The following PKHD1 variants were observed in gnomAD, a reference collection of about 807,000 sequenced individuals.
PKHD1 encodes the protein PKHD1 ciliary IPT domain containing fibrocystin/polyductin.
In PKHD1, 291 loss-of-function variants were observed where a neutral mutation model predicts 412.0. The ratio of observed to expected loss-of-function variants is 0.71; its 90% CI spans 0.64 to 0.78. The LOEUF is 0.78. PKHD1 is among the 30% of genes least tolerant of loss of function. PKHD1 has a pLI of 0.00. For missense variants in PKHD1, 4,825 were observed against 4,950.7 expected, an observed-to-expected ratio of 0.97 and a Z score of 0.76; for synonymous variants, 1,777 against 1,821.5, an observed-to-expected ratio of 0.98 and a Z score of 0.62.
At chr6:52,033,345 C>A (rs1180597908) in intron 28 of PKHD1, among the ~76,000 whole-genome samples, 180 bp from the exon 29 acceptor site, 1 of 152,178 alleles carries the variant, frequency 6.6e-6, no homozygotes, top group African/African-American at 2.4e-5. Context: ...CTCTCCCCAT[C>A]CTGCCCCCAC....
At chr6:51,971,049 T>A (rs1793600807) in intron 35 of PKHD1, among the ~76,000 whole-genome samples, 1 of 152,198 alleles carries the variant, frequency 6.6e-6, no homozygotes, top group East Asian at 1.9e-4. Context: ...TCCGTGAGCA[T>A]GAGATGTTTT....
At chr6:51,935,058 G>A (rs987498051) in intron 36 of PKHD1, among the ~76,000 whole-genome samples, 4 of 152,176 alleles carry the variant, frequency 2.6e-5, no homozygotes, top group East Asian at 1.9e-4. Context: ...CCCACCACCC[G>A]CCACTTGCAT....
intron 49 of PKHD1, among the ~76,000 whole-genome samples, chr6:51,849,715 C>A (rs1771853486): frequency 6.6e-6 from 1 of 152,026 alleles, no homozygotes; most frequent in African/African-American, 2.4e-5. Context: ...CTGTTCATAT[C>A]CTTTGCCCAC....
intron 36 of PKHD1, among the ~76,000 whole-genome samples, chr6:51,950,091 G>A (rs974934393): frequency 2.6e-5 from 4 of 151,174 alleles, no homozygotes; most frequent in Admixed American, 1.3e-4. Flanking sequence ...ATATGAACTA[G>A]AAAGTGTTTG....
chr6:51,735,533 T>C (rs1049942480), intron 60 of PKHD1, among the ~76,000 whole-genome samples: 2 of 152,174 alleles, frequency 1.3e-5, no homozygotes, highest in South Asian at 4.1e-4. Context: ...TTGTATGCGA[T>C]GAAAGCTGAC....
intron 59 of PKHD1, among the ~76,000 whole-genome samples, chr6:51,745,375 AAG>A (rs1785060943): frequency 6.6e-6 from 1 of 152,146 alleles, no homozygotes; most frequent in Non-Finnish European, 1.5e-5. Context: ...CTTGAGGATG[AAG>A]AGAGTACTCT....
At chr6:51,992,146 T>G (rs1410519913) in intron 35 of PKHD1, among the ~76,000 whole-genome samples, 1 of 152,226 alleles carries the variant, frequency 6.6e-6, no homozygotes, top group Non-Finnish European at 1.5e-5. Context: ...AGTTTCATTC[T>G]GAGGATTAAA....
chr6:51,721,241 T>A lies in PKHD1; in HGVS notation c.10156+23144A>T, dbSNP rs533800230. 1.4e-3 allele frequency: 1,347 copies of A among 949,016 alleles called. 4 individuals are homozygous for A. The highest frequency in any genetic ancestry group is 0.013 in the Middle Eastern group (23 of 1,838). 58.8% of individuals were successfully genotyped at this position (949,016 alleles called of 1,614,324 possible). A position where few individuals can be genotyped will look rare whatever the true frequency, so the allele number is the denominator to read the frequency against. ...ATTGCAACCTCCAGCATAAATGGGT[T>A]ATCTTTACCACACCAATATTCTTGG... On this transcript the variant is annotated intron_variant, in intron 60 of 66. Coordinates refer to ENST00000371117, the MANE Select transcript of PKHD1 (RefSeq NM_138694.4).
intron 36 of PKHD1, among the ~76,000 whole-genome samples, chr6:51,947,711 C>T (rs1366764819): frequency 6.6e-6 from 1 of 152,120 alleles, no homozygotes; most frequent in Non-Finnish European, 1.5e-5. Flanking sequence ...TTATCAGTCT[C>T]TGTAGACCAT....
At chr6:51,664,310 G>A (rs1271497350) in intron 60 of PKHD1, among the ~76,000 whole-genome samples, 1 of 152,148 alleles carries the variant, frequency 6.6e-6, no homozygotes, top group African/African-American at 2.4e-5. Context: ...TAGAAGGCAG[G>A]CACTTGAGAG....
intron 37 of PKHD1, among the ~76,000 whole-genome samples, chr6:51,926,078 T>C (rs1307948176): frequency 6.6e-6 from 1 of 151,498 alleles, no homozygotes; most frequent in Non-Finnish European, 1.5e-5. Flanking sequence ...CCTTACATAA[T>C]ACATTAAATA....
chr6:51,909,474 C>T lies in PKHD1; in HGVS notation c.6491G>A (p.Gly2164Asp), dbSNP rs929708501. The change falls in exon 40 of 67, where the codon GGT becomes GAT. Residue 2164 changes from glycine (G) to aspartate (D), a missense_variant and splice_region_variant. Physicochemically the swap from Gly to Asp is moderately conservative, Grantham distance 94 (BLOSUM62 -1). Transcript: ENST00000371117. ...VSCQEANAPE[G>D]NLQHCLYSMS... ...GGAATACAAACAGTGCTGCAGATTA[C>T]CTGAAATGCAAAATAAAGTCCAGAG... The T allele has an allele frequency of 6.2e-7, 1 of 1,611,908 alleles. No individual in the cohort carries two copies. The highest frequency in any genetic ancestry group is 1.1e-5 in the South Asian group (1 of 91,048).
intron 33 of PKHD1, among the ~76,000 whole-genome samples, chr6:52,020,263 G>A (rs1431467976): frequency 2.0e-5 from 3 of 152,156 alleles, no homozygotes; most frequent in South Asian, 2.1e-4. Context: ...AAATGCGTGC[G>A]TGCACACACA....
chr6:51,768,169 T>A (rs141892567), intron 55 of PKHD1, among the ~76,000 whole-genome samples: 154 of 152,252 alleles, frequency 1.0e-3, no homozygotes, highest in East Asian at 1.7e-3. Context: ...GGGTTGTTTT[T>A]TTTTTCTTGA....
At chr6:51,661,770 G>A (rs935730409) in intron 60 of PKHD1, among the ~76,000 whole-genome samples, 14 of 151,790 alleles carry the variant, frequency 9.2e-5, no homozygotes, top group Non-Finnish European at 1.5e-4. Flanking sequence ...TTATATTCAC[G>A]AAATCATTCT....
intron 48 of PKHD1, among the ~76,000 whole-genome samples, chr6:51,856,629 A>C (rs1341780883): frequency 6.6e-6 from 1 of 152,228 alleles, no homozygotes; most frequent in African/African-American, 2.4e-5. Context: ...GACTCTCAGA[A>C]GTCCTGCTCA....
intron 36 of PKHD1, among the ~76,000 whole-genome samples, chr6:51,935,939 C>T (rs1446323574): frequency 1.3e-5 from 2 of 152,142 alleles, no homozygotes; most frequent in Admixed American, 1.3e-4. Flanking sequence ...CAAGGCCTTC[C>T]CTCTCCAGTC....
At chr6:51,774,272 A>T (rs1450764351) in intron 54 of PKHD1, among the ~76,000 whole-genome samples, 1 of 152,060 alleles carries the variant, frequency 6.6e-6, no homozygotes, top group African/African-American at 2.4e-5. Context: ...TCATCTACTT[A>T]TGATACTACA....
Position 52,025,736 on chromosome 6 carries a change from A to G in PKHD1, c.4074T>C (p.Ser1358=). ...SLSGCSIPLH[S]LEAGIYPLQV... The stretch of plus-strand genomic sequence containing the variant: ...GGAGAGGATAGATGCCAGCCTCCAG[A>G]CTGTGAAGAGGGATGGAGCATCCAG... The change falls in exon 32 of 67, where the codon AGT becomes AGC. Residue 1358 remains serine (S), a synonymous_variant. Transcript: ENST00000371117. The G allele has an allele frequency of 6.2e-7, 1 of 1,614,198 alleles. No individual in the cohort carries two copies. Among genetic ancestry groups the G allele is most frequent in the African/African-American group, 1.3e-5 (1 of 75,068 alleles).
Sources: allele counts gnomAD v4.1 joint callset (sites outside exome capture counted in the v4.1 genomes callset), GRCh38; gene constraint gnomAD v4.1.1; transcripts MANE v1.5; gene names NCBI Gene and HGNC (gene_info 2026-07-23, HGNC 2026-07-21).